Variants in ZNF521 observed in about 807,000 individuals in gnomAD.
The protein encoded by ZNF521 is LYST-interacting protein 3.
ZNF521 carries 14 observed loss-of-function variants against 105.5 expected under a neutral mutation model. The ratio of observed to expected loss-of-function variants is 0.13; its 90% confidence interval spans 0.09 to 0.21. The LOEUF (loss-of-function observed/expected upper bound fraction) is 0.21. Ranked by LOEUF, ZNF521 falls within the 10% of genes least tolerant of loss-of-function variation. The pLI is 1.00. For missense variants in ZNF521, 1,233 were observed against 1,629.7 expected (o/e 0.76, Z 4.19); for synonymous variants, 635 against 606.0 (o/e 1.05, Z -0.70).
chr18:25,070,788 G>T (rs1283214286), intron 7 of ZNF521, among the ~76,000 whole-genome samples: 1 of 152,098 alleles, frequency 6.6e-6, no homozygotes, highest in Non-Finnish European at 1.5e-5. Context: ...CCACCAGGGA[G>T]ATATTGAGGA....
chr18:25,322,549 A>C (rs976431195), intron 2 of ZNF521, among the ~76,000 whole-genome samples: 1 of 150,290 alleles, frequency 6.7e-6, no homozygotes, highest in Non-Finnish European at 1.5e-5. Context: ...AAAAAAAAAA[A>C]AAAACCCCCC....
At chr18:25,276,910 C>T (rs978265522) in intron 3 of ZNF521, among the ~76,000 whole-genome samples, 8 of 152,154 alleles carry the variant, frequency 5.3e-5, no homozygotes, top group Admixed American at 4.6e-4. Context: ...AGGCCAGGGG[C>T]AGTGGCTCAC....
intron 3 of ZNF521, among the ~76,000 whole-genome samples, chr18:25,258,208 C>T (rs572392816): frequency 1.1e-4 from 17 of 152,290 alleles, no homozygotes; most frequent in Admixed American, 7.2e-4. Context: ...AAGTCACTTG[C>T]TTTGTTTCAC....
intron 5 of ZNF521, among the ~76,000 whole-genome samples, chr18:25,093,772 T>C (rs2033797659): frequency 6.6e-6 from 1 of 152,188 alleles, no homozygotes; most frequent in Non-Finnish European, 1.5e-5. Flanking sequence ...TTGTGCATAC[T>C]GACATGACAA....
At chr18:25,126,785 A>C (rs2034546835) in intron 5 of ZNF521, among the ~76,000 whole-genome samples, 1 of 152,156 alleles carries the variant, frequency 6.6e-6, no homozygotes. Flanking sequence ...GGAATGTAAC[A>C]CAAAATTAAA....
At chr18:25,204,561 GTTTAC>G (rs1215374721) in intron 4 of ZNF521, among the ~76,000 whole-genome samples, 2 of 151,876 alleles carry the variant, frequency 1.3e-5, no homozygotes, top group East Asian at 1.9e-4. Context: ...TAAGAATAAT[GTTTAC>G]TTTAAGTTTA....
intron 3 of ZNF521, among the ~76,000 whole-genome samples, chr18:25,261,141 T>C (rs1464748745): frequency 6.6e-6 from 1 of 152,124 alleles, no homozygotes. Context: ...TCCAGAGTCC[T>C]CCTCAGTTTG....
chr18:25,088,436 G>C (rs2033673946), intron 7 of ZNF521, among the ~76,000 whole-genome samples: 1 of 151,778 alleles, frequency 6.6e-6, no homozygotes, highest in Non-Finnish European at 1.5e-5. Context: ...AGCCAGGATG[G>C]TATCGATCTC....
intron 7 of ZNF521, among the ~76,000 whole-genome samples, chr18:25,065,111 T>C (rs1459382480): frequency 1.3e-5 from 2 of 152,228 alleles, no homozygotes; most frequent in East Asian, 1.9e-4. Context: ...TTACTCAAAA[T>C]ACACCACATC....
intron 7 of ZNF521, among the ~76,000 whole-genome samples, chr18:25,087,419 T>C (rs906320758): frequency 6.6e-6 from 1 of 152,336 alleles, no homozygotes; most frequent in African/African-American, 2.4e-5. Context: ...AAGACATTGA[T>C]GGTACCACCA....
intron 5 of ZNF521, among the ~76,000 whole-genome samples, chr18:25,191,525 T>C (rs73407161): frequency 0.069 from 10,463 of 152,216 alleles, 913 homozygotes; most frequent in African/African-American, 0.2. Context: ...ACACATTTGT[T>C]TCTTTGGGGA....
At chr18:25,220,111 G>A (rs953951642) in intron 4 of ZNF521, among the ~76,000 whole-genome samples, 6 of 152,184 alleles carry the variant, frequency 3.9e-5, no homozygotes, top group African/African-American at 1.4e-4. Context: ...CAAACCTACA[G>A]GAAGGGGCTA....
At chr18:25,294,853 C>CAAAAAA (rs34529787) in intron 3 of ZNF521, among the ~76,000 whole-genome samples, 4 of 59,526 alleles carry the variant, frequency 6.7e-5, no homozygotes, top group East Asian at 7.4e-4. Flanking sequence ...GATTCTGTCT[C>CAAAAAA]AAAAAAAAAA....
At chr18:25,082,671 A>T in intron 7 of ZNF521, 1 of 413,516 alleles carries the variant, frequency 2.4e-6, no homozygotes, top group Non-Finnish European at 4.8e-6. Context: ...CCCCATCTCT[A>T]CTAAAATACA....
intron 2 of ZNF521, among the ~76,000 whole-genome samples, chr18:25,326,687 G>A (rs1174428222): frequency 2.0e-5 from 3 of 152,140 alleles, no homozygotes; most frequent in African/African-American, 7.2e-5. Context: ...GGTTTTTCCT[G>A]GTTAATTCCA....
chr18:25,086,496 A>C (rs2033625849), intron 7 of ZNF521, among the ~76,000 whole-genome samples: 1 of 152,166 alleles, frequency 6.6e-6, no homozygotes, highest in Non-Finnish European at 1.5e-5. Context: ...TTGAAACTAA[A>C]GCCACTGACA....
At chr18:25,324,509 T>G (rs1038521995) in intron 2 of ZNF521, among the ~76,000 whole-genome samples, 6 of 151,972 alleles carry the variant, frequency 3.9e-5, no homozygotes, top group Admixed American at 6.6e-5. Context: ...CAGTCCCAAC[T>G]ATGGCAAATT....
chr18:25,187,334 C>T (rs1600133799), intron 5 of ZNF521, among the ~76,000 whole-genome samples: 1 of 152,058 alleles, frequency 6.6e-6, no homozygotes, highest in South Asian at 2.1e-4. Flanking sequence ...GCAATGTAAG[C>T]GTGAACTTAA....
At chr18:25,140,936 G>A (rs754163182) in intron 5 of ZNF521, among the ~76,000 whole-genome samples, 9 of 152,268 alleles carry the variant, frequency 5.9e-5, no homozygotes, top group Middle Eastern at 3.4e-3. Flanking sequence ...GACAAGCTAA[G>A]CGGCAAAAAG....
Sources: allele counts gnomAD v4.1 joint callset (sites outside exome capture counted in the v4.1 genomes callset), GRCh38; gene constraint gnomAD v4.1.1; transcripts MANE v1.5; gene names NCBI Gene and HGNC (gene_info 2026-07-23, HGNC 2026-07-21).